The following CDKAL1 variants were observed in gnomAD, a reference collection of about 807,000 sequenced individuals.
CDKAL1 encodes the protein threonylcarbamoyladenosine tRNA methylthiotransferase.
A neutral mutation model predicts 68.2 loss-of-function variants in CDKAL1; 32 were observed. The ratio of observed to expected loss-of-function variants is 0.47; its 90% CI spans 0.35 to 0.63. CDKAL1 has a LOEUF of 0.63. CDKAL1 is among the 30% of genes least tolerant of loss of function. The pLI is 0.00. For synonymous variants in CDKAL1, 234 were observed against 244.3 expected, an observed-to-expected ratio of 0.96 and a Z score of 0.39; for missense variants, 606 against 696.7, an observed-to-expected ratio of 0.87 and a Z score of 1.47.
At chr6:20,881,519 G>A (rs1760817787) in intron 9 of CDKAL1, among the ~76,000 whole-genome samples, 1 of 152,020 alleles carries the variant, frequency 6.6e-6, no homozygotes, top group Non-Finnish European at 1.5e-5. Flanking sequence ...CTTTTACATG[G>A]GCAAGCTATT....
At chr6:20,988,372 C>A (rs1270929698) in intron 10 of CDKAL1, among the ~76,000 whole-genome samples, 2 of 151,982 alleles carry the variant, frequency 1.3e-5, no homozygotes, top group African/African-American at 4.8e-5. Flanking sequence ...TCACAGACAC[C>A]CAGAAATAAT....
chr6:20,864,494 C>A (rs2150529335), intron 9 of CDKAL1, among the ~76,000 whole-genome samples: 1 of 152,226 alleles, frequency 6.6e-6, no homozygotes, highest in African/African-American at 2.4e-5. Context: ...TTACATTTTA[C>A]ATATTCTACT....
At chr6:21,220,572 T>G (rs1375836719) in intron 15 of CDKAL1, among the ~76,000 whole-genome samples, 1 of 152,252 alleles carries the variant, frequency 6.6e-6, no homozygotes, top group Non-Finnish European at 1.5e-5. Context: ...ACTGTGTTAT[T>G]AATTCTAGAT....
chr6:21,216,167 G>A (rs1779334646), intron 15 of CDKAL1, among the ~76,000 whole-genome samples: 1 of 152,130 alleles, frequency 6.6e-6, no homozygotes, highest in Non-Finnish European at 1.5e-5. Context: ...TGACTTCTGA[G>A]TTCCAGAACT....
chr6:20,809,265 G>A (rs1236515374), intron 8 of CDKAL1, among the ~76,000 whole-genome samples: 2 of 152,102 alleles, frequency 1.3e-5, no homozygotes, highest in African/African-American at 2.4e-5. Context: ...TAACGCAGTG[G>A]GTATTTCAAG....
intron 4 of CDKAL1, among the ~76,000 whole-genome samples, chr6:20,608,955 T>G (rs938784409): frequency 6.6e-6 from 1 of 152,218 alleles, no homozygotes; most frequent in South Asian, 2.1e-4. Flanking sequence ...GGAATGATTT[T>G]CTTCATAGGC....
intron 4 of CDKAL1, among the ~76,000 whole-genome samples, chr6:20,581,913 G>T (rs9465816): frequency 0.38 from 57,759 of 151,616 alleles, 11,294 homozygotes; most frequent in East Asian, 0.55. Context: ...TTCTGAACAA[G>T]GTACATACAA....
At chr6:21,067,022 A>G (rs1771487079) in intron 12 of CDKAL1, among the ~76,000 whole-genome samples, 1 of 152,086 alleles carries the variant, frequency 6.6e-6, no homozygotes, top group Admixed American at 6.6e-5. Flanking sequence ...AGTTCAATCT[A>G]TTCTTTTTTT....
At chr6:20,812,697 T>G (rs1283051844) in intron 8 of CDKAL1, among the ~76,000 whole-genome samples, 1 of 152,246 alleles carries the variant, frequency 6.6e-6, no homozygotes, top group Non-Finnish European at 1.5e-5. Flanking sequence ...TAGATTCATT[T>G]GTATCATTGT....
chr6:20,613,009 AC>A (rs1766693870), intron 4 of CDKAL1, among the ~76,000 whole-genome samples: 1 of 142,902 alleles, frequency 7.0e-6, no homozygotes, highest in South Asian at 2.2e-4. Flanking sequence ...ACACACACAC[AC>A]ACACACACAC....
intron 4 of CDKAL1, among the ~76,000 whole-genome samples, chr6:20,561,072 T>C (rs1264555663): frequency 6.6e-6 from 1 of 152,172 alleles, no homozygotes; most frequent in Non-Finnish European, 1.5e-5. Context: ...ATTTTCTTTT[T>C]TATGATGTGT....
intron 4 of CDKAL1, among the ~76,000 whole-genome samples, chr6:20,600,909 A>G (rs1014666405): frequency 2.0e-5 from 3 of 151,922 alleles, no homozygotes; most frequent in African/African-American, 7.2e-5. Context: ...TCTATGTACA[A>G]TATTAGATTA....
At chr6:21,002,281 T>C (rs974971856) in intron 11 of CDKAL1, among the ~76,000 whole-genome samples, 2 of 152,210 alleles carry the variant, frequency 1.3e-5, no homozygotes, top group African/African-American at 4.8e-5. Context: ...TTCAACCAAC[T>C]GGAGGATCCT....
At chr6:20,947,242 T>A (rs1297710797) in intron 9 of CDKAL1, among the ~76,000 whole-genome samples, 1 of 152,208 alleles carries the variant, frequency 6.6e-6, no homozygotes, top group Non-Finnish European at 1.5e-5. Context: ...GCTCCTCGAC[T>A]TATGATGGGG....
At chr6:20,885,106 G>T (rs1272202778) in intron 9 of CDKAL1, among the ~76,000 whole-genome samples, 2 of 152,206 alleles carry the variant, frequency 1.3e-5, no homozygotes, top group East Asian at 3.8e-4. Flanking sequence ...GTAATCTACA[G>T]ATTCGGCACA....
intron 5 of CDKAL1, among the ~76,000 whole-genome samples, chr6:20,657,972 C>A (rs1305746054): frequency 1.3e-5 from 2 of 151,692 alleles, no homozygotes; most frequent in African/African-American, 4.9e-5. Flanking sequence ...ATCCATTAGA[C>A]CATTTTGATT....
chr6:21,061,771 G>A (rs373381336), intron 11 of CDKAL1, among the ~76,000 whole-genome samples: 5 of 152,172 alleles, frequency 3.3e-5, no homozygotes, highest in East Asian at 1.9e-4. Context: ...GATCATTTGC[G>A]TATATAAAAT....
At chr6:21,180,717 A>G (rs887434565) in intron 13 of CDKAL1, among the ~76,000 whole-genome samples, 10 of 152,212 alleles carry the variant, frequency 6.6e-5, no homozygotes, top group Admixed American at 2.0e-4. Context: ...TCTGCTAAAA[A>G]AGAAACAGCA....
intron 4 of CDKAL1, among the ~76,000 whole-genome samples, chr6:20,624,471 G>A (rs1767340069): frequency 6.6e-6 from 1 of 151,936 alleles, no homozygotes; most frequent in Admixed American, 6.6e-5. Flanking sequence ...GATAATAAGT[G>A]TATAGCTGCT....
Sources: allele counts gnomAD v4.1 joint callset (sites outside exome capture counted in the v4.1 genomes callset), GRCh38; gene constraint gnomAD v4.1.1; transcripts MANE v1.5; gene names NCBI Gene and HGNC (gene_info 2026-07-23, HGNC 2026-07-21).